Variants in ARHGEF6 observed in about 807,000 individuals in gnomAD.
The protein encoded by ARHGEF6 is Rac/Cdc42 guanine nucleotide exchange factor 6, also known as rho guanine nucleotide exchange factor 6.
In ARHGEF6, 9 loss-of-function variants were observed where a neutral mutation model predicts 70.3. That is an observed-to-expected ratio of 0.13 (90% CI 0.08 to 0.22). ARHGEF6 has a LOEUF of 0.22. Among genes scored for constraint, ARHGEF6 ranks in the 10% least tolerant of loss-of-function variants. The pLI is 1.00. For synonymous variants in ARHGEF6, 201 were observed against 207.8 expected (o/e 0.97, Z 0.28); for missense variants, 470 against 563.0 (o/e 0.83, Z 1.67).
At chrX:136,694,429 A>G (rs1469787110) in intron 9 of ARHGEF6, among the ~76,000 whole-genome samples, 1 of 111,939 alleles carries the variant, frequency 8.9e-6, no homozygotes, top group Non-Finnish European at 1.9e-5. Flanking sequence ...AAAAGAACAG[A>G]ACCTAGGCTC....
intron 3 of ARHGEF6, 142 bp downstream of exon 3, chrX:136,747,366 A>G: frequency 1.9e-6 from 1 of 520,356 alleles, no homozygotes; most frequent in Admixed American, 2.8e-5. Flanking sequence ...AGCATTTGAC[A>G]TTTGTTGGGG....
intron 2 of ARHGEF6, among the ~76,000 whole-genome samples, chrX:136,752,208 C>A (rs1221748087): frequency 8.9e-6 from 1 of 112,313 alleles, no homozygotes; most frequent in Non-Finnish European, 1.9e-5. Context: ...CTAATTGTAG[C>A]AAAGAGAAAA....
Position 136,677,965 on chromosome X carries a change from AAT to A in ARHGEF6, c.1831-11_1831-10del. ...AAGATATAAGACATCCTCTAAAATG[AAT>A]ATGTAAAGAAAGAGAAGATGAGCGT... On this transcript the variant is annotated splice_polypyrimidine_tract_variant and intron_variant, in intron 16 of 21. Transcript: ENST00000250617. 1.7e-6 allele frequency: 2 copies of A among 1,202,560 alleles called. No individual in the cohort carries two copies. The highest frequency in any genetic ancestry group is 2.3e-6 in the Non-Finnish European group (2 of 887,221).
intron 4 of ARHGEF6, among the ~76,000 whole-genome samples, chrX:136,744,330 T>C (rs2077074257): frequency 8.9e-6 from 1 of 112,246 alleles, no homozygotes; most frequent in African/African-American, 3.2e-5. Context: ...TTTATTTTTA[T>C]AGATTTAGGG....
At chrX:136,741,694 T>A (rs991862173) in intron 5 of ARHGEF6, among the ~76,000 whole-genome samples, 5 of 111,336 alleles carry the variant, frequency 4.5e-5, no homozygotes, top group African/African-American at 1.6e-4. Context: ...TCCACATGTT[T>A]GAAGAAGGAA....
chrX:136,673,082 A>G (rs915097606), intron 19 of ARHGEF6, among the ~76,000 whole-genome samples: 3 of 112,471 alleles, frequency 2.7e-5, no homozygotes, highest in Non-Finnish European at 5.6e-5. Flanking sequence ...AAACAATACA[A>G]ATTTAAAACC....
intron 2 of ARHGEF6, among the ~76,000 whole-genome samples, chrX:136,754,105 G>T (rs559073321): frequency 1.8e-5 from 2 of 111,508 alleles, no homozygotes; most frequent in South Asian, 7.6e-4. Flanking sequence ...ATTCCCTGAC[G>T]GCTACCTCAG....
chrX:136,727,395 TTCTCTC>T (rs1188095168), intron 6 of ARHGEF6, among the ~76,000 whole-genome samples: 45 of 53,603 alleles, frequency 8.4e-4, no homozygotes, highest in African/African-American at 3.5e-3. Context: ...CTTTCTTTCT[TTCTCTC>T]TCTCTCTCTC....
At chrX:136,725,211 C>T (rs1409881301) in intron 6 of ARHGEF6, among the ~76,000 whole-genome samples, 1 of 111,298 alleles carries the variant, frequency 9.0e-6, no homozygotes, top group Non-Finnish European at 1.9e-5. Flanking sequence ...GAGGGAGGCA[C>T]GCAGACACTT....
chrX:136,741,525 C>A (rs866348947), intron 5 of ARHGEF6, among the ~76,000 whole-genome samples: 1 of 96,342 alleles, frequency 1.0e-5, no homozygotes, highest in African/African-American at 3.7e-5. Flanking sequence ...ATTTTCTTTT[C>A]TTTTTTTTTT....
chrX:136,745,381 C>A, intron 3 of ARHGEF6, 34 bp from the exon 4 acceptor site: 1 of 1,205,816 alleles, frequency 8.3e-7, no homozygotes, highest in East Asian at 3.0e-5. Flanking sequence ...TTAAAGGAAC[C>A]ACTCAGATCA....
chrX:136,701,861 C>A (rs2076577784), intron 9 of ARHGEF6, among the ~76,000 whole-genome samples: 1 of 108,431 alleles, frequency 9.2e-6, no homozygotes, highest in Non-Finnish European at 1.9e-5. Context: ...GCGCCCACCA[C>A]CACGCCCGGC....
intron 12 of ARHGEF6, 22 bp from the exon 13 acceptor site, chrX:136,682,866 A>G (rs1458664684): frequency 8.9e-7 from 1 of 1,123,980 alleles, no homozygotes; most frequent in Non-Finnish European, 1.2e-6. Context: ...TGAAAATAAT[A>G]CATGAAGAAC....
In ARHGEF6 at chrX:136,679,526, CA is replaced by C; in HGVS notation, c.1830+8del. 8.3e-7 allele frequency: 1 copy of C among 1,210,854 alleles called. No homozygotes were observed. The highest frequency in any genetic ancestry group is 3.0e-5 in the East Asian group (1 of 33,856). ...CAGAAGCATTTTATACCATAGGTAG[CA>C]AAATTACCTCTTTATAACCTAGTGC... On this transcript the variant is annotated splice_region_variant and intron_variant, in intron 16 of 21. Coordinates refer to ENST00000250617, the MANE Select transcript of ARHGEF6 (RefSeq NM_004840.3).
At chrX:136,760,795 T>C (rs2077257589) in intron 2 of ARHGEF6, among the ~76,000 whole-genome samples, 1 of 112,332 alleles carries the variant, frequency 8.9e-6, no homozygotes, top group African/African-American at 3.2e-5. Flanking sequence ...ATTCATTGTA[T>C]TGTTTAACTT....
intron 9 of ARHGEF6, among the ~76,000 whole-genome samples, chrX:136,692,315 C>T (rs941930394): frequency 1.8e-5 from 2 of 111,507 alleles, no homozygotes; most frequent in Non-Finnish European, 3.8e-5. Context: ...TGGTGTCGAA[C>T]TCCTGGGCTC....
chrX:136,779,793 G>A (rs749633281), intron 1 of ARHGEF6, among the ~76,000 whole-genome samples: 54 of 111,473 alleles, frequency 4.8e-4, no homozygotes, highest in Non-Finnish European at 8.1e-4. Context: ...ACAGTTTTTT[G>A]AGCTTAGTTC....
chrX:136,681,772 C>T, intron 14 of ARHGEF6, 118 bp downstream of exon 14: 1 of 592,125 alleles, frequency 1.7e-6, no homozygotes, highest in Non-Finnish European at 2.8e-6. Context: ...CTTTGCCATG[C>T]CCGCATAAAA....
rs78393074 is a variant in ARHGEF6, at chrX:136,721,106, C to A, written c.733-7736G>T. 9.1e-3 allele frequency among the ~76,000 whole-genome samples: 1,017 copies of A among 112,020 alleles called. 21 individuals are homozygous for A. In the East Asian group the frequency reaches 0.1, roughly 11 times the overall value. On this transcript the variant is annotated intron_variant, in intron 6 of 21. Transcript: ENST00000250617. The stretch of plus-strand genomic sequence containing the variant: ...GATTCAACATAATTCCAATCAAAAT[C>A]TCAGTAAGTTATTTTGTGGATATTG...
Sources: allele counts gnomAD v4.1 joint callset (sites outside exome capture counted in the v4.1 genomes callset), GRCh38; gene constraint gnomAD v4.1.1; transcripts MANE v1.5; gene names NCBI Gene and HGNC (gene_info 2026-07-23, HGNC 2026-07-21).